Variants in JMJD6 observed in about 807,000 individuals in gnomAD.
The protein encoded by JMJD6 is bifunctional arginine demethylase and lysyl-hydroxylase JMJD6.
In JMJD6, 17 loss-of-function variants were observed where a neutral mutation model predicts 45.8. The ratio of observed to expected loss-of-function variants is 0.37; its 90% CI spans 0.25 to 0.56. JMJD6 has a LOEUF of 0.56. JMJD6 is among the 20% of genes least tolerant of loss of function. JMJD6 has a pLI of 0.79. For synonymous variants in JMJD6, 221 were observed against 196.3 expected, an observed-to-expected ratio of 1.13 and a Z score of -1.05; for missense variants, 470 against 517.5, an observed-to-expected ratio of 0.91 and a Z score of 0.89.
At chr17:76,725,965 C>T (rs2076917809) in intron 1 of JMJD6, 110 bp from the exon 2 acceptor site, 1 of 1,326,768 alleles carries the variant, frequency 7.5e-7, no homozygotes, top group South Asian at 1.5e-5. Context: ...GAAGTTGACT[C>T]TCGTCTGGCT....
At chr17:76,715,044 T>G (rs553347804), downstream of JMJD6, 1 of 152,328 alleles carries the variant, frequency 6.6e-6, no homozygotes, top group East Asian at 1.9e-4. Context: ...AGAGCCTTTT[T>G]GGGCTGTTTT....
chr17:76,714,305 A>T (rs1180308445), downstream of JMJD6: 7 of 152,240 alleles, frequency 4.6e-5, no homozygotes, highest in East Asian at 3.8e-4. Flanking sequence ...CCCTTCTTCC[A>T]GGACCCAGCT....
At chr17:76,726,056 C>T (rs969321058) in intron 1 of JMJD6, among the ~76,000 whole-genome samples, 4 of 152,186 alleles carry the variant, frequency 2.6e-5, no homozygotes, top group Non-Finnish European at 4.4e-5. Context: ...CAGCCAGGTC[C>T]CCTAGGGGAC....
intron 2 of JMJD6, 81 bp from the exon 3 acceptor site, chr17:76,724,139 C>T: frequency 6.9e-7 from 1 of 1,458,270 alleles, no homozygotes. Context: ...TTTAGTTTTT[C>T]TTTGAGAGTC....
At chr17:76,726,014 T>C (rs1459406422) in intron 1 of JMJD6, among the ~76,000 whole-genome samples, 159 bp from the exon 2 acceptor site, 1 of 152,236 alleles carries the variant, frequency 6.6e-6, no homozygotes, top group East Asian at 1.9e-4. Flanking sequence ...TGAGGCCACG[T>C]CGTTCCTAGA....
intron 3 of JMJD6, among the ~76,000 whole-genome samples, chr17:76,723,021 A>G (rs1435649201): frequency 6.7e-6 from 1 of 149,082 alleles, no homozygotes; most frequent in Non-Finnish European, 1.5e-5. Flanking sequence ...ATCTCAGCTC[A>G]CTGCAGCCTC....
chr17:76,719,516 TG>T (rs2076797194), intron 5 of JMJD6, among the ~76,000 whole-genome samples: 1 of 152,170 alleles, frequency 6.6e-6, no homozygotes, highest in Non-Finnish European at 1.5e-5. Flanking sequence ...CTTGAACTCC[TG>T]ACCTCAAGTA....
downstream of JMJD6, chr17:76,715,767 G>A (rs1210885035): frequency 2.0e-5 from 3 of 152,214 alleles, no homozygotes; most frequent in East Asian, 1.9e-4. Context: ...GAGGGCAAGA[G>A]ATGGCATCTG....
downstream of JMJD6, chr17:76,715,760 G>A (rs968794721): frequency 6.6e-6 from 1 of 152,156 alleles, no homozygotes; most frequent in African/African-American, 2.4e-5. Flanking sequence ...GAATCAAGAG[G>A]GCAAGAGATG....
At chr17:76,714,809 T>A (rs2076752860), downstream of JMJD6, 1 of 152,200 alleles carries the variant, frequency 6.6e-6, no homozygotes, top group Non-Finnish European at 1.5e-5. Context: ...CTAATCTTTA[T>A]TTTCTAGATT....
intron 1 of JMJD6, 45 bp downstream of exon 1, chr17:76,726,302 G>A: frequency 6.5e-7 from 1 of 1,526,888 alleles, no homozygotes; most frequent in Middle Eastern, 1.7e-4. Flanking sequence ...GTAGCGGCTG[G>A]AGGTGCCGAT....
chr17:76,722,773 G>A (rs1010752015), intron 3 of JMJD6, among the ~76,000 whole-genome samples: 6 of 144,410 alleles, frequency 4.2e-5, no homozygotes. Context: ...TTGAACCTGG[G>A]AGGAGGAGGT....
Position 76,720,597 on chromosome 17 carries a change from G to A in JMJD6, c.942-99C>T, listed in dbSNP as rs556325213. 1.7e-5 allele frequency: 20 copies of A among 1,175,204 alleles called. No homozygotes were observed. The African/African-American group carries it at 2.5e-4, about 15-fold the overall frequency. 72.8% of individuals were successfully genotyped at this position (1,175,204 alleles called of 1,614,324 possible). On this transcript the variant is annotated intron_variant, in intron 4 of 5. Coordinates refer to ENST00000397625, the MANE Select transcript of JMJD6 (RefSeq NM_015167.3). ...GCCTGTGTCTCTCAGAAACACCTGG[G>A]AATGCCAGGTGTGTCCGTTCAGAAT...
At chr17:76,723,193 A>C (rs893249163) in intron 3 of JMJD6, among the ~76,000 whole-genome samples, 4 of 151,920 alleles carry the variant, frequency 2.6e-5, no homozygotes, top group East Asian at 1.9e-4. Context: ...TGATCCACCC[A>C]CTTCGGCCTC....
chr17:76,716,668 G>A (rs2076766431), downstream of JMJD6: 1 of 1,613,738 alleles, frequency 6.2e-7, no homozygotes, highest in African/African-American at 1.3e-5. Flanking sequence ...GCACCTCAGG[G>A]AGAGTCTCTT....
At chr17:76,720,039 G>A (rs760627416) in intron 5 of JMJD6, among the ~76,000 whole-genome samples, 1 of 152,196 alleles carries the variant, frequency 6.6e-6, no homozygotes, top group African/African-American at 2.4e-5. Flanking sequence ...CAGCTACCAG[G>A]GAGGCTGAGG....
At chr17:76,719,514 C>T (rs1188166885) in intron 5 of JMJD6, among the ~76,000 whole-genome samples, 1 of 152,140 alleles carries the variant, frequency 6.6e-6, no homozygotes, top group Non-Finnish European at 1.5e-5. Context: ...GTCTTGAACT[C>T]CTGACCTCAA....
At chr17:76,723,261 A>G (rs1260735238) in intron 3 of JMJD6, among the ~76,000 whole-genome samples, 2 of 152,052 alleles carry the variant, frequency 1.3e-5, no homozygotes. Flanking sequence ...ACAGTTTATC[A>G]GGTTTTATAG....
chr17:76,720,540 T>TACCCACTCACAAAG, intron 4 of JMJD6, 42 bp from the exon 5 acceptor site: 1 of 1,605,186 alleles, frequency 6.2e-7, no homozygotes, highest in South Asian at 1.1e-5. Flanking sequence ...CTGACAGCCA[T>TACCCACTCACAAAG]ACCCACTCAC....
Sources: allele counts gnomAD v4.1 joint callset (sites outside exome capture counted in the v4.1 genomes callset), GRCh38; gene constraint gnomAD v4.1.1; transcripts MANE v1.5; gene names NCBI Gene and HGNC (gene_info 2026-07-23, HGNC 2026-07-21).